THSD4: variants seen among roughly 807,000 people sequenced by gnomAD.
THSD4 encodes the protein thrombospondin type 1 domain containing 4.
A neutral mutation model predicts 119.0 loss-of-function variants in THSD4; 69 were observed. The ratio of observed to expected loss-of-function variants is 0.58; its 90% CI spans 0.48 to 0.71. THSD4 has a LOEUF of 0.71. THSD4 is among the 30% of genes least tolerant of loss of function. The pLI, the probability that THSD4 is intolerant of heterozygous loss-of-function variation, is 0.00. For synonymous variants in THSD4, 524 were observed against 540.4 expected (o/e 0.97, Z 0.42); for missense variants, 1,393 against 1,391.1 (o/e 1.00, Z -0.02).
At chr15:71,477,795 T>C (rs747705754) in intron 7 of THSD4, among the ~76,000 whole-genome samples, 49 of 152,220 alleles carry the variant, frequency 3.2e-4, no homozygotes, top group Admixed American at 3.9e-4. Flanking sequence ...CTCTTCACCA[T>C]GCTGAACCTG....
chr15:71,682,922 T>G (rs2051824743), intron 8 of THSD4, among the ~76,000 whole-genome samples: 2 of 120,884 alleles, frequency 1.7e-5, no homozygotes, highest in South Asian at 5.6e-4. Context: ...TTCTTCTTCT[T>G]TTTTTTTTTT....
intron 6 of THSD4, among the ~76,000 whole-genome samples, chr15:71,344,485 C>T (rs1433320402): frequency 4.6e-5 from 7 of 152,208 alleles, no homozygotes; most frequent in Middle Eastern, 3.4e-3. Context: ...GGAGCATTGA[C>T]GACCTCTTCA....
rs148020415 is a variant in THSD4, at chr15:71,218,512, G to A, written c.464+3113G>A. ...AATTTTTTTCTTCAAATGTATTGAC[G>A]GGGGCCAGTTAAACTGTTTACTATG... On this transcript the variant is annotated intron_variant, in intron 4 of 17. Transcript: ENST00000261862. 3.9e-3 allele frequency among the ~76,000 whole-genome samples: 597 copies of A among 152,238 alleles called. 8 individuals are homozygous for A. Among genetic ancestry groups the A allele is most frequent in the African/African-American group, 0.014 (572 of 41,540 alleles).
intron 14 of THSD4, 76 bp downstream of exon 14, chr15:71,748,670 C>CT: frequency 6.5e-7 from 1 of 1,534,368 alleles, no homozygotes; most frequent in Non-Finnish European, 8.8e-7. Context: ...AGATGAGTCA[C>CT]TAGCTCAGAA....
intron 6 of THSD4, among the ~76,000 whole-genome samples, chr15:71,288,574 A>C (rs564027002): frequency 6.6e-6 from 1 of 152,314 alleles, no homozygotes; most frequent in East Asian, 1.9e-4. Flanking sequence ...GCTGGAAACC[A>C]AAGGGCAAGG....
chr15:71,773,436 T>C (rs375781868), intron 17 of THSD4, among the ~76,000 whole-genome samples: 1 of 152,172 alleles, frequency 6.6e-6, no homozygotes. Context: ...TATAATATAA[T>C]ACAAAATGTG....
In THSD4 at chr15:71,727,728, C is replaced by G. The variant is rs111811194; in HGVS notation, c.1358-821C>G. Reference sequence around the variant, plus strand: ...GAGGCTGCACTGAGCCAGGATCACACCACTGCACTCCAGCCTGGGCGATGG... The same window carrying G: ...GAGGCTGCACTGAGCCAGGATCACAGCACTGCACTCCAGCCTGGGCGATGG... On this transcript the variant is annotated intron_variant, in intron 8 of 17. Transcript: ENST00000261862. Among the ~76,000 whole-genome samples the G allele has an allele frequency of 1.8e-3, 250 of 137,120 alleles. 3 individuals are homozygous for G. Among genetic ancestry groups the G allele is most frequent in the African/African-American group, 6.2e-3 (238 of 38,484 alleles). 90.0% of individuals were successfully genotyped at this position (137,120 alleles called of 152,430 possible).
At chr15:71,551,225 T>C (rs2048922309) in intron 7 of THSD4, among the ~76,000 whole-genome samples, 1 of 152,228 alleles carries the variant, frequency 6.6e-6, no homozygotes, top group Non-Finnish European at 1.5e-5. Context: ...TAAAATGTGT[T>C]ATCGACTATA....
intron 7 of THSD4, among the ~76,000 whole-genome samples, chr15:71,493,172 C>T (rs1252949543): frequency 4.6e-5 from 7 of 152,200 alleles, no homozygotes; most frequent in Non-Finnish European, 7.3e-5. Context: ...GCTAAGCCAG[C>T]TTGCCCCTCG....
intron 7 of THSD4, among the ~76,000 whole-genome samples, chr15:71,438,883 AAC>A (rs1470128182): frequency 2.0e-5 from 3 of 152,242 alleles, no homozygotes; most frequent in Non-Finnish European, 4.4e-5. Flanking sequence ...TAGGTACCTT[AAC>A]AAGACTTCCT....
intron 3 of THSD4, among the ~76,000 whole-genome samples, chr15:71,165,997 T>C (rs1211690336): frequency 6.6e-6 from 1 of 152,116 alleles, no homozygotes; most frequent in Non-Finnish European, 1.5e-5. Flanking sequence ...GTGAGACATC[T>C]CTAGGCCAGC....
chr15:71,669,344 A>G (rs1414338376), intron 8 of THSD4, among the ~76,000 whole-genome samples: 2 of 152,198 alleles, frequency 1.3e-5, no homozygotes, highest in Non-Finnish European at 2.9e-5. Context: ...GGTGATGTCT[A>G]TCTAAAATAT....
intron 1 of THSD4, among the ~76,000 whole-genome samples, chr15:71,120,916 G>C (rs1246226845): frequency 6.6e-6 from 1 of 152,242 alleles, no homozygotes. Flanking sequence ...TGTGACTACA[G>C]GGGTGGGAGG....
At chr15:71,682,882 TTCTTTCTTTCTTTCTTTCTTTC>T (rs2051818124) in intron 8 of THSD4, among the ~76,000 whole-genome samples, 2 of 66,468 alleles carry the variant, frequency 3.0e-5, no homozygotes, top group Non-Finnish European at 5.4e-5. Context: ...CTTTCTTTCT[TTCTTTCTTTCTTTCTTTCTTTC>T]TTTCTTCTTC....
At chr15:71,280,892 C>T (rs2044643706) in intron 6 of THSD4, among the ~76,000 whole-genome samples, 1 of 152,210 alleles carries the variant, frequency 6.6e-6, no homozygotes, top group Non-Finnish European at 1.5e-5. Flanking sequence ...TGATCTTCAA[C>T]TCTCATCATA....
At chr15:71,131,168 A>G (rs1024703293) in intron 1 of THSD4, among the ~76,000 whole-genome samples, 2 of 152,208 alleles carry the variant, frequency 1.3e-5, no homozygotes, top group Non-Finnish European at 2.9e-5. Context: ...ATGACAAAAT[A>G]ATGACATTGG....
upstream of THSD4, chr15:71,113,421 C>T (rs2141346242): frequency 6.6e-6 from 1 of 152,278 alleles, no homozygotes; most frequent in South Asian, 2.1e-4. Context: ...TAAGGGGATT[C>T]TTTGTACTAT....
At chr15:71,111,895 TG>T, upstream of THSD4, 1 of 552,456 alleles carries the variant, frequency 1.8e-6, no homozygotes, top group Non-Finnish European at 3.1e-6. Flanking sequence ...GATGTTTCGC[TG>T]GTAAAAGGAT....
chr15:71,643,839 TAGGC>T (rs777402382), intron 7 of THSD4, among the ~76,000 whole-genome samples: 34 of 152,122 alleles, frequency 2.2e-4, no homozygotes, highest in Non-Finnish European at 3.5e-4. Context: ...TTAATTAACA[TAGGC>T]AGGAAATTAC....
Sources: gnomAD v4.1 joint callset for allele counts (sites outside exome capture counted in the v4.1 genomes callset) on GRCh38, gnomAD v4.1.1 for gene constraint, MANE v1.5 for transcripts, NCBI Gene and HGNC (gene_info 2026-07-23, HGNC 2026-07-21) for gene names.